The following SH3PXD2A variants were observed in gnomAD, a reference collection of about 807,000 sequenced individuals.
The protein encoded by SH3PXD2A is SH3 and PX domains 2A.
In SH3PXD2A, 32 loss-of-function variants were observed where a neutral mutation model predicts 115.2. The ratio of observed to expected loss-of-function variants is 0.28; its 90% CI spans 0.21 to 0.37. The LOEUF is 0.37. Among genes scored for constraint, SH3PXD2A ranks in the 10% least tolerant of loss-of-function variants. The probability of loss-of-function intolerance (pLI) is 1.00; values close to 1 mark genes in which losing one functional copy is unlikely to be tolerated. For synonymous variants in SH3PXD2A, 610 were observed against 629.1 expected (o/e 0.97, Z 0.45); for missense variants, 1,328 against 1,498.7 (o/e 0.89, Z 1.88).
intron 8 of SH3PXD2A, among the ~76,000 whole-genome samples, chr10:103,638,959 T>C (rs2036908095): frequency 6.6e-6 from 1 of 152,072 alleles, no homozygotes; most frequent in Admixed American, 6.5e-5. Flanking sequence ...AACATGTGGG[T>C]CTGATTCTGT....
rs3068820 is a variant in SH3PXD2A, at chr10:103,771,738, AACACACACACACAC to A, written c.154-4583_154-4570del. Among the ~76,000 whole-genome samples, 165 of 143,098 alleles carry A rather than the reference AACACACACACACAC, an allele frequency of 1.2e-3. 1 individual carries two copies. The East Asian group carries it at 0.021, about 18-fold the overall frequency. The allele number at this position is 143,098 out of a possible 152,430, so 93.9% of individuals were successfully genotyped here. On this transcript the variant is annotated intron_variant, in intron 2 of 14. Coordinates refer to ENST00000369774, the MANE Select transcript of SH3PXD2A (RefSeq NM_001394015.1). ...CAACAGAGCGAGACTCCGTCAAAACAACACACACACACACACACACACACACACACACACACACA... is the reference window on the plus strand; with the variant it reads ...CAACAGAGCGAGACTCCGTCAAAACAACACACACACACACACACACACACA...
At chr10:103,608,882 T>G (rs2036379567) in intron 13 of SH3PXD2A, 2 of 151,366 alleles carry the variant, frequency 1.3e-5, no homozygotes, top group South Asian at 4.2e-4. Context: ...AGAAATCTCC[T>G]GTAATCGTAG....
intron 4 of SH3PXD2A, among the ~76,000 whole-genome samples, chr10:103,733,430 C>T (rs1176794133): frequency 6.6e-6 from 1 of 152,202 alleles, no homozygotes; most frequent in Non-Finnish European, 1.5e-5. Context: ...CCCTATGCCC[C>T]CTCCTCCATT....
chr10:103,850,696 C>T (rs1842888598), intron 1 of SH3PXD2A, among the ~76,000 whole-genome samples: 1 of 152,216 alleles, frequency 6.6e-6, no homozygotes, highest in Non-Finnish European at 1.5e-5. Context: ...ATCTGTTCCT[C>T]TTGGAGGCTG....
chr10:103,662,332 C>A, intron 7 of SH3PXD2A, among the ~76,000 whole-genome samples: 1 of 29,312 alleles, frequency 3.4e-5, no homozygotes, highest in Non-Finnish European at 5.7e-5. Flanking sequence ...TTCCCATCAC[C>A]ATTATTGGCG....
chr10:103,780,313 A>G (rs2038920225), intron 2 of SH3PXD2A, among the ~76,000 whole-genome samples: 1 of 152,130 alleles, frequency 6.6e-6, no homozygotes, highest in African/African-American at 2.4e-5. Context: ...AAGCATCTCC[A>G]TTCCCCACTT....
chr10:103,792,103 C>T (rs1172078922), intron 2 of SH3PXD2A, among the ~76,000 whole-genome samples: 5 of 152,196 alleles, frequency 3.3e-5, no homozygotes, highest in Non-Finnish European at 7.3e-5. Flanking sequence ...AGGGAATCCC[C>T]AAGAGCCGAT....
At chr10:103,741,565 G>T (rs1266391441) in intron 3 of SH3PXD2A, among the ~76,000 whole-genome samples, 1 of 152,184 alleles carries the variant, frequency 6.6e-6, no homozygotes, top group Non-Finnish European at 1.5e-5. Context: ...TGGGCTCAAG[G>T]AGGGCCAGCT....
chr10:103,769,861 A>G (rs4917399), intron 2 of SH3PXD2A, among the ~76,000 whole-genome samples: 22,853 of 152,176 alleles, frequency 0.15, 1,933 homozygotes, highest in East Asian at 0.29. Flanking sequence ...AATGCTCAGC[A>G]AAGGATTTTA....
At chr10:103,677,078 C>T (rs902836729) in intron 6 of SH3PXD2A, among the ~76,000 whole-genome samples, 2 of 152,218 alleles carry the variant, frequency 1.3e-5, no homozygotes, top group Admixed American at 6.5e-5. Context: ...TCCCTGAGAG[C>T]CGCGAGTGAG....
chr10:103,672,021 T>C (rs1366275429), intron 6 of SH3PXD2A, among the ~76,000 whole-genome samples: 1 of 152,184 alleles, frequency 6.6e-6, no homozygotes, highest in East Asian at 1.9e-4. Flanking sequence ...GGGCGGTGGC[T>C]CACCCTGTAA....
chr10:103,627,534 CAG>C lies in SH3PXD2A; in HGVS notation c.605-334_605-333del, dbSNP rs10588969. 7.7e-3 allele frequency among the ~76,000 whole-genome samples: 1,171 copies of C among 152,352 alleles called. 14 individuals are homozygous for C. The highest frequency in any genetic ancestry group is 0.027 in the African/African-American group (1,112 of 41,582). On this transcript the variant is annotated intron_variant, in intron 8 of 14. Transcript: ENST00000369774. The surrounding 1 kb of genome is among the most constrained non-coding windows in gnomAD (Gnocchi z 4.4). Reference sequence around the variant, plus strand: ...AAAGGCCAAGGGAGCTCCGGCCATACAGAGAGACCATTTATGGTCTTTGAAAC... The same window carrying C: ...AAAGGCCAAGGGAGCTCCGGCCATACAGAGACCATTTATGGTCTTTGAAAC...
intron 6 of SH3PXD2A, 91 bp from the exon 7 acceptor site, chr10:103,668,743 G>A (rs1397536555): frequency 1.7e-6 from 2 of 1,192,532 alleles, no homozygotes; most frequent in East Asian, 2.6e-5. Flanking sequence ...GTGAGTGGCT[G>A]CAGGCGCCGC....
chr10:103,751,712 T>C (rs2038581790), intron 3 of SH3PXD2A, among the ~76,000 whole-genome samples: 1 of 152,188 alleles, frequency 6.6e-6, no homozygotes, highest in South Asian at 2.1e-4. Context: ...AAACACCAGA[T>C]CTAATTCCAG....
At chr10:103,752,239 C>T (rs1039881639) in intron 3 of SH3PXD2A, among the ~76,000 whole-genome samples, 3 of 152,212 alleles carry the variant, frequency 2.0e-5, no homozygotes, top group African/African-American at 7.2e-5. Flanking sequence ...GAGGCAGCCA[C>T]GTTCTGCCAG....
chr10:103,667,299 C>T (rs2037395980), intron 7 of SH3PXD2A, among the ~76,000 whole-genome samples: 1 of 151,490 alleles, frequency 6.6e-6, no homozygotes, highest in Non-Finnish European at 1.5e-5. Context: ...TGCTGGCCTC[C>T]ACCCCAGGCT....
intron 8 of SH3PXD2A, among the ~76,000 whole-genome samples, chr10:103,635,477 C>T (rs2036850052): frequency 6.6e-6 from 1 of 152,204 alleles, no homozygotes; most frequent in African/African-American, 2.4e-5. Context: ...GGTCTTCTTG[C>T]CTGGAGTGCC....
At chr10:103,754,280 C>T (rs140731981) in intron 3 of SH3PXD2A, 27 of 152,272 alleles carry the variant, frequency 1.8e-4, no homozygotes, top group African/African-American at 5.8e-4. Context: ...GATCATAGCT[C>T]GCTGTAACCC....
chr10:103,642,900 G>T (rs1242509773), intron 8 of SH3PXD2A, among the ~76,000 whole-genome samples: 1 of 152,124 alleles, frequency 6.6e-6, no homozygotes, highest in Non-Finnish European at 1.5e-5. Flanking sequence ...TCAACTAAAA[G>T]CTGTAGGCTG....
Sources: gnomAD v4.1 joint callset for allele counts (sites outside exome capture counted in the v4.1 genomes callset) on GRCh38, gnomAD v4.1.1 for gene constraint, Gnocchi (gnomAD v3.1) non-coding constraint, MANE v1.5 for transcripts, NCBI Gene and HGNC (gene_info 2026-07-23, HGNC 2026-07-21) for gene names.